The following COP1 variants were observed in gnomAD, a reference collection of about 807,000 sequenced individuals.
COP1 encodes the protein E3 ubiquitin-protein ligase COP1.
COP1 carries 24 observed loss-of-function variants against 101.3 expected under a neutral mutation model. That is an observed-to-expected ratio of 0.24 (90% CI 0.17 to 0.33). COP1 has a LOEUF of 0.33. Ranked by LOEUF, COP1 falls within the 10% of genes least tolerant of loss-of-function variation. COP1 has a pLI of 1.00. For missense variants in COP1, 663 were observed against 906.2 expected, an observed-to-expected ratio of 0.73 and a Z score of 3.45; for synonymous variants, 347 against 341.9, an observed-to-expected ratio of 1.01 and a Z score of -0.17.
rs111489352 is a variant in COP1, at chr1:176,034,029, C to T, written c.1613-6341G>A. On this transcript the variant is annotated intron_variant, in intron 14 of 19. Transcript: ENST00000367669. ...TAAAAGCATTTGAGACTTTTACTGC[C>T]AAGCTGAGAGAGTAAGCCAATCTCT... Among the ~76,000 whole-genome samples, 385 of 152,180 alleles carry T rather than the reference C, an allele frequency of 2.5e-3. 3 individuals carry two copies. The highest frequency in any genetic ancestry group is 8.4e-3 in the African/African-American group (348 of 41,528).
At chr1:176,041,558 A>G (rs1372904548) in intron 14 of COP1, among the ~76,000 whole-genome samples, 1 of 151,982 alleles carries the variant, frequency 6.6e-6, no homozygotes, top group Non-Finnish European at 1.5e-5. Context: ...CACATTGGCC[A>G]GGCTGTTCTC....
intron 16 of COP1, 91 bp downstream of exon 16, chr1:175,989,271 T>C: frequency 3.1e-6 from 2 of 646,612 alleles, no homozygotes; most frequent in Non-Finnish European, 5.6e-6. Flanking sequence ...TCCAATATTA[T>C]AGTTTACATA....
chr1:176,082,730 G>A (rs759002906), intron 10 of COP1, among the ~76,000 whole-genome samples: 30 of 151,746 alleles, frequency 2.0e-4, no homozygotes, highest in African/African-American at 7.0e-4. Flanking sequence ...GCTTGAACCC[G>A]GGAGGTGGAG....
chr1:176,142,552 C>T (rs762523774), intron 6 of COP1, among the ~76,000 whole-genome samples: 1 of 152,038 alleles, frequency 6.6e-6, no homozygotes, highest in Non-Finnish European at 1.5e-5. Context: ...TCTCACCACA[C>T]ATTTAACAAC....
intron 11 of COP1, among the ~76,000 whole-genome samples, chr1:176,066,019 C>A (rs890674057): frequency 1.3e-5 from 2 of 152,072 alleles, no homozygotes; most frequent in African/African-American, 4.8e-5. Context: ...AGCCACCGCA[C>A]CTGGCCGGGG....
chr1:176,010,074 T>C (rs1664365384), intron 15 of COP1, among the ~76,000 whole-genome samples: 1 of 152,116 alleles, frequency 6.6e-6, no homozygotes, highest in African/African-American at 2.4e-5. Context: ...AACAGCACAA[T>C]GAATAACCTT....
intron 14 of COP1, among the ~76,000 whole-genome samples, chr1:176,034,628 C>A (rs915823371): frequency 5.9e-5 from 9 of 152,154 alleles, no homozygotes; most frequent in African/African-American, 2.2e-4. Flanking sequence ...CGGGGAGAAA[C>A]CTGGAAAGAA....
chr1:176,118,821 G>A (rs1426396929), intron 8 of COP1, among the ~76,000 whole-genome samples: 5 of 152,086 alleles, frequency 3.3e-5, no homozygotes, highest in Admixed American at 2.0e-4. Flanking sequence ...AAATGCTCAA[G>A]GTGATGGGAT....
Position 176,048,354 on chromosome 1 carries a change from A to G in COP1, c.1278-2030T>C, listed in dbSNP as rs74961189. Among the ~76,000 whole-genome samples, 9 of 152,026 alleles carry G rather than the reference A, an allele frequency of 5.9e-5. No homozygotes were observed. In the East Asian group the frequency reaches 1.6e-3, roughly 26 times the overall value. On this transcript the variant is annotated intron_variant, in intron 11 of 19. Coordinates refer to ENST00000367669, the MANE Select transcript of COP1 (RefSeq NM_022457.7). The stretch of plus-strand genomic sequence containing the variant: ...GGTGCCCAGCCAATTTAAAAAAAAA[A>G]TTTATTCAGTTAAGTGTCACTGACT...
At chr1:175,985,047 G>A (rs1250443635) in intron 18 of COP1, among the ~76,000 whole-genome samples, 2 of 152,140 alleles carry the variant, frequency 1.3e-5, no homozygotes, top group Non-Finnish European at 2.9e-5. Flanking sequence ...TAAGACTTTG[G>A]GAGACTGCTG....
At chr1:176,008,111 G>A (rs1663845604) in intron 15 of COP1, among the ~76,000 whole-genome samples, 1 of 152,142 alleles carries the variant, frequency 6.6e-6, no homozygotes, top group Non-Finnish European at 1.5e-5. Context: ...GATTTTCCAG[G>A]TGCGTCCGTC....
chr1:175,949,007 C>CA (rs1384527247), intron 18 of COP1, among the ~76,000 whole-genome samples: 2 of 151,128 alleles, frequency 1.3e-5, no homozygotes, highest in African/African-American at 2.4e-5. Flanking sequence ...TACTAAAATA[C>CA]AAAAAATTAG....
chr1:176,031,016 G>A (rs1668566377), intron 14 of COP1, among the ~76,000 whole-genome samples: 1 of 152,136 alleles, frequency 6.6e-6, no homozygotes, highest in South Asian at 2.1e-4. Flanking sequence ...ACAGCTACAA[G>A]TCAATAAATA....
intron 1 of COP1, among the ~76,000 whole-genome samples, chr1:176,196,321 T>C (rs1207922593): frequency 6.6e-6 from 1 of 151,940 alleles, no homozygotes; most frequent in Non-Finnish European, 1.5e-5. Context: ...TGAAAGTTGA[T>C]CATTTGAAAA....
chr1:176,029,293 T>C (rs2149083755), intron 14 of COP1, among the ~76,000 whole-genome samples: 1 of 152,322 alleles, frequency 6.6e-6, no homozygotes, highest in East Asian at 1.9e-4. Context: ...TTTGAATAAG[T>C]AGTCTAAGCC....
At chr1:176,169,333 TGATC>T (rs1228357387) in intron 3 of COP1, among the ~76,000 whole-genome samples, 1 of 152,224 alleles carries the variant, frequency 6.6e-6, no homozygotes. Flanking sequence ...TTTATTTGTT[TGATC>T]AATTGTATAC....
intron 18 of COP1, among the ~76,000 whole-genome samples, chr1:175,950,659 TTTTTGGAAACCGGCAGTTTTACTGC>T (rs1649776040): frequency 6.6e-6 from 1 of 152,224 alleles, no homozygotes; most frequent in Non-Finnish European, 1.5e-5. Context: ...TTCTCCCTCT[TTTTTGGAAACCGGCAGTTTTACTGC>T]AGAACTCTCC....
chr1:176,065,832 T>A (rs575011228), intron 11 of COP1, among the ~76,000 whole-genome samples: 4 of 151,494 alleles, frequency 2.6e-5, no homozygotes, highest in Admixed American at 2.0e-4. Flanking sequence ...CTGAGCCTCC[T>A]GAGTAGCTGG....
At chr1:176,078,089 C>A (rs1224901379) in intron 11 of COP1, among the ~76,000 whole-genome samples, 3 of 152,066 alleles carry the variant, frequency 2.0e-5, no homozygotes, top group African/African-American at 7.2e-5. Flanking sequence ...ATTTACAGAT[C>A]CAATGTTATC....
Sources: allele counts gnomAD v4.1 joint callset (sites outside exome capture counted in the v4.1 genomes callset), GRCh38; gene constraint gnomAD v4.1.1; transcripts MANE v1.5; gene names NCBI Gene and HGNC (gene_info 2026-07-23, HGNC 2026-07-21).